TIAM2: variants seen among roughly 807,000 people sequenced by gnomAD.
The protein encoded by TIAM2 is rho guanine nucleotide exchange factor TIAM2.
TIAM2 carries 80 observed loss-of-function variants against 152.9 expected under a neutral mutation model. That is an observed-to-expected ratio of 0.52 (90% CI 0.44 to 0.63). TIAM2 has a LOEUF of 0.63. TIAM2 is among the 30% of genes least tolerant of loss of function. The pLI, the probability that TIAM2 is intolerant of heterozygous loss-of-function variation, is 0.00. For synonymous variants in TIAM2, 804 were observed against 838.0 expected (o/e 0.96, Z 0.70); for missense variants, 1,965 against 2,120.1 (o/e 0.93, Z 1.44).
At chr6:155,243,511 C>T (rs575867175) in intron 16 of TIAM2, among the ~76,000 whole-genome samples, 1 of 152,264 alleles carries the variant, frequency 6.6e-6, no homozygotes. Context: ...ATATTAAACT[C>T]TTTGAATTAG....
At chr6:155,219,380 GC>G (rs1781964179) in intron 15 of TIAM2, among the ~76,000 whole-genome samples, 2 of 152,132 alleles carry the variant, frequency 1.3e-5, no homozygotes, top group Admixed American at 1.3e-4. Flanking sequence ...GAGCGGCTCT[GC>G]CAGCCGAGGA....
chr6:155,096,540 A>G (rs1053542819), intron 2 of TIAM2, among the ~76,000 whole-genome samples: 39 of 151,178 alleles, frequency 2.6e-4, no homozygotes, highest in African/African-American at 9.0e-4. Flanking sequence ...CCACCAATCT[A>G]CTCTCTACTT....
chr6:155,146,768 A>ATTTTTTTT (rs373361803), intron 6 of TIAM2, among the ~76,000 whole-genome samples: 7 of 135,896 alleles, frequency 5.2e-5, no homozygotes, highest in Non-Finnish European at 6.2e-5. Context: ...TGCCTGGCTA[A>ATTTTTTTT]TTTTTTTTTT....
At chr6:155,244,603 G>A in intron 17 of TIAM2, 55 bp from the exon 18 acceptor site, 1 of 1,584,176 alleles carries the variant, frequency 6.3e-7, no homozygotes, top group Admixed American at 1.8e-5. Flanking sequence ...GAGTTAGCGT[G>A]GTGTCCTGAA....
At chr6:155,187,573 CTTTTTTT>C (rs59818801) in intron 14 of TIAM2, among the ~76,000 whole-genome samples, 689 of 49,594 alleles carry the variant, frequency 0.014, 15 homozygotes, top group African/African-American at 0.05. Flanking sequence ...ACCCCGCCCC[CTTTTTTT>C]TTTTTTTTTT....
chr6:155,030,784 T>G (rs1776807982), intron 1 of TIAM2, among the ~76,000 whole-genome samples: 1 of 152,222 alleles, frequency 6.6e-6, no homozygotes, highest in Non-Finnish European at 1.5e-5. Flanking sequence ...TTGGTAAGTG[T>G]GGCCCTGAGC....
chr6:155,217,796 G>A (rs1781898992), intron 15 of TIAM2, among the ~76,000 whole-genome samples: 1 of 152,158 alleles, frequency 6.6e-6, no homozygotes, highest in Non-Finnish European at 1.5e-5. Context: ...TCTTGTTTAA[G>A]ATATAATTGA....
chr6:155,141,718 CTGAG>C (rs1462034329), intron 5 of TIAM2, among the ~76,000 whole-genome samples: 1 of 152,146 alleles, frequency 6.6e-6, no homozygotes, highest in Non-Finnish European at 1.5e-5. Context: ...GTGCAACAGA[CTGAG>C]TGATAGTCAG....
intron 1 of TIAM2, among the ~76,000 whole-genome samples, chr6:155,024,486 G>A (rs1488671259): frequency 2.0e-5 from 3 of 151,964 alleles, no homozygotes; most frequent in African/African-American, 7.3e-5. Context: ...GATGGGGTAA[G>A]TTATCTTTGC....
rs1423008005 is a variant in TIAM2, at chr6:155,104,035, CACA to C, written c.-118+13657_-118+13659del. Among the ~76,000 whole-genome samples, 355 of 104,570 alleles carry C rather than the reference CACA, an allele frequency of 3.4e-3. 16 individuals carry two copies. Among genetic ancestry groups the C allele is most frequent in the African/African-American group, 0.014 (277 of 19,540 alleles). 68.6% of individuals were successfully genotyped at this position (104,570 alleles called of 152,430 possible). A position where few individuals can be genotyped will look rare whatever the true frequency, so the allele number is the denominator to read the frequency against. ...TCTTCTTCTGTATTTACCTCACACA[CACA>C]CACCCCCCCCCCCACACCCCCACAC... On this transcript the variant is annotated intron_variant, in intron 2 of 26. Transcript: ENST00000682666.
At chr6:154,999,732 G>A (rs1778282477) in intron 1 of TIAM2, among the ~76,000 whole-genome samples, 1 of 151,732 alleles carries the variant, frequency 6.6e-6, no homozygotes, top group Non-Finnish European at 1.5e-5. Context: ...GAGTGCTGTG[G>A]TGCCATCTTG....
intron 4 of TIAM2, among the ~76,000 whole-genome samples, chr6:155,130,696 G>A (rs1779425949): frequency 6.6e-6 from 1 of 152,152 alleles, no homozygotes; most frequent in Admixed American, 6.5e-5. Context: ...TTAATCAACA[G>A]ACATCTATTT....
intron 1 of TIAM2, among the ~76,000 whole-genome samples, chr6:155,010,916 C>A (rs983994788): frequency 6.6e-6 from 1 of 151,844 alleles, no homozygotes; most frequent in Non-Finnish European, 1.5e-5. Context: ...TGGTGTCATG[C>A]GCCTGTAATC....
chr6:155,087,664 G>C (rs1283556309), intron 1 of TIAM2, among the ~76,000 whole-genome samples: 1 of 152,086 alleles, frequency 6.6e-6, no homozygotes, highest in African/African-American at 2.4e-5. Context: ...CAGGAGAATT[G>C]CTTGAACTCG....
At chr6:155,209,043 T>TG (rs1452630140) in intron 14 of TIAM2, among the ~76,000 whole-genome samples, 6 of 152,016 alleles carry the variant, frequency 3.9e-5, no homozygotes. Context: ...ATAAAGGCTT[T>TG]GCTCAAGTGT....
chr6:155,183,476 A>T lies in TIAM2; in HGVS notation c.3040A>T (p.Asn1014Tyr). The T allele has an allele frequency of 6.2e-7, 1 of 1,613,502 alleles. No homozygotes were observed. The highest frequency in any genetic ancestry group is 8.5e-7 in the Non-Finnish European group (1 of 1,179,850). Residue 1014 changes from asparagine to tyrosine, a missense_variant, in exon 14 of 27, where the codon AAC (asparagine) becomes TAC (tyrosine). Physicochemically the swap from Asn to Tyr is moderately radical, Grantham distance 143 (BLOSUM62 -2). Around this residue, in one of 3 missense-constraint regions of TIAM2, gnomAD observed 935 missense variants for 980.0 expected, o/e 0.95. Coordinates refer to ENST00000682666, the MANE Select transcript of TIAM2 (RefSeq NM_012454.4). ...CCAACTGCTGGAGGAATTCCTGGAT[A>T]ACTTTAAAAAGAATACAGCCAATGG... ...QSQLLEEFLD[N>Y]FKKNTANDFS...
At chr6:155,149,429 C>G (rs1779896162) in intron 7 of TIAM2, among the ~76,000 whole-genome samples, 1 of 152,134 alleles carries the variant, frequency 6.6e-6, no homozygotes, top group Non-Finnish European at 1.5e-5. Flanking sequence ...CCTTTAGTTA[C>G]TTGTTAAGTT....
chr6:155,203,048 C>CAAAA (rs59836931), intron 14 of TIAM2, among the ~76,000 whole-genome samples: 6 of 78,918 alleles, frequency 7.6e-5, no homozygotes, highest in South Asian at 4.4e-4. Flanking sequence ...AACTCTGTCT[C>CAAAA]AAAAAAAAAA....
At chr6:155,030,780 A>G (rs188528874) in intron 1 of TIAM2, among the ~76,000 whole-genome samples, 50 of 152,290 alleles carry the variant, frequency 3.3e-4, no homozygotes, top group African/African-American at 1.2e-3. Flanking sequence ...TTTTTTGGTA[A>G]GTGTGGCCCT....
Sources: allele counts gnomAD v4.1 joint callset (sites outside exome capture counted in the v4.1 genomes callset), GRCh38; gene constraint gnomAD v4.1.1; regional missense constraint gnomAD v4.1.1; transcripts MANE v1.5; gene names NCBI Gene and HGNC (gene_info 2026-07-23, HGNC 2026-07-21).